ABLIM1: variants seen among roughly 807,000 people sequenced by gnomAD.
The protein encoded by ABLIM1 is actin-binding LIM protein 1.
Under a neutral mutation model 107.0 loss-of-function variants are expected in ABLIM1, and 40 were observed. That is an observed-to-expected ratio of 0.37 (90% CI 0.29 to 0.49). ABLIM1 has a LOEUF of 0.49. Among genes scored for constraint, ABLIM1 ranks in the 20% least tolerant of loss-of-function variants. The pLI, the probability that ABLIM1 is intolerant of heterozygous loss-of-function variation, is 0.97. For missense variants in ABLIM1, 857 were observed against 1,008.5 expected (o/e 0.85, Z 2.04); for synonymous variants, 357 against 357.3 (o/e 1.00, Z 0.01).
At chr10:114,760,195 G>C (rs1430941812) in intron 1 of ABLIM1, among the ~76,000 whole-genome samples, 2 of 151,824 alleles carry the variant, frequency 1.3e-5, no homozygotes, top group Non-Finnish European at 2.9e-5. Flanking sequence ...CGGTGAGAAA[G>C]GGTGACAGAT....
chr10:114,483,919 G>C (rs2057775053), intron 8 of ABLIM1, among the ~76,000 whole-genome samples: 1 of 152,134 alleles, frequency 6.6e-6, no homozygotes, highest in African/African-American at 2.4e-5. Context: ...AGACGGTCAG[G>C]TACACTGTGC....
intron 8 of ABLIM1, among the ~76,000 whole-genome samples, chr10:114,481,006 T>C (rs2057284247): frequency 6.6e-6 from 1 of 152,208 alleles, no homozygotes; most frequent in Admixed American, 6.5e-5. Context: ...GCCCTCTAAA[T>C]ACCTTTCAGC....
chr10:114,502,746 C>A (rs1055065543), intron 6 of ABLIM1, among the ~76,000 whole-genome samples: 4 of 152,174 alleles, frequency 2.6e-5, no homozygotes, highest in African/African-American at 7.2e-5. Context: ...ATCCACCCAC[C>A]TGGCCAAATT....
At chr10:114,688,314 G>A (rs759947256), upstream of ABLIM1, among the ~76,000 whole-genome samples, 2 of 151,842 alleles carry the variant, frequency 1.3e-5, no homozygotes, top group Non-Finnish European at 2.9e-5. Context: ...AGTGCATTCC[G>A]CTTCTAATTA....
chr10:114,462,909 A>C, intron 12 of ABLIM1: 1 of 934,246 alleles, frequency 1.1e-6, no homozygotes, highest in Non-Finnish European at 1.5e-6. Context: ...TGTTGGGTAT[A>C]GTCATGACAC....
In ABLIM1 at chr10:114,547,976, C is replaced by T. The variant is rs368169505; in HGVS notation, c.674-200G>A. 4.6e-5 allele frequency among the ~76,000 whole-genome samples: 7 copies of T among 152,328 alleles called. No individual in the cohort carries two copies. The East Asian group carries it at 5.8e-4, about 13-fold the overall frequency. On this transcript the variant is annotated intron_variant, in intron 4 of 22. Transcript: ENST00000533213. ...GCTGCGTCCTCGGAAGGACACAGAA[C>T]GGAAGCTTCATGAACCTCCGTGGAT...
intron 1 of ABLIM1, among the ~76,000 whole-genome samples, chr10:114,767,648 G>C (rs1188459797): frequency 6.6e-6 from 1 of 151,780 alleles, no homozygotes; most frequent in Non-Finnish European, 1.5e-5. Flanking sequence ...AAGCACTGCA[G>C]CTTTAAATCG....
chr10:114,489,627 C>T (rs962721731), intron 7 of ABLIM1, among the ~76,000 whole-genome samples: 1 of 152,082 alleles, frequency 6.6e-6, no homozygotes, highest in Non-Finnish European at 1.5e-5. Context: ...ATGCAGAGGG[C>T]CCAGGGGTCA....
intron 7 of ABLIM1, among the ~76,000 whole-genome samples, chr10:114,489,923 G>A (rs116615833): frequency 0.025 from 3,805 of 152,270 alleles, 142 homozygotes; most frequent in African/African-American, 0.084. Context: ...TTTGTAGCCC[G>A]AATGTGCTGC....
In ABLIM1 at chr10:114,434,618, T is replaced by C. The variant is rs1238306552; in HGVS notation, c.*1642A>G. The C allele has an allele frequency of 6.6e-6, 1 of 152,224 alleles. No individual in the cohort carries two copies. Among genetic ancestry groups the C allele is most frequent in the Admixed American group, 6.5e-5 (1 of 15,282 alleles). 9.4% of individuals were successfully genotyped at this position (152,224 alleles called of 1,614,324 possible). On this transcript the variant is annotated 3_prime_UTR_variant, in exon 23 of 23. Coordinates refer to ENST00000533213, the MANE Select transcript of ABLIM1 (RefSeq NM_002313.7). ...TATGAAGGTAAATTCAAATGTTTTC[T>C]TCTTCGGCTTTAAAACAGAGCTTAA...
intron 6 of ABLIM1, chr10:114,526,661 T>A: frequency 6.1e-6 from 6 of 985,516 alleles, no homozygotes; most frequent in Non-Finnish European, 7.2e-6. Context: ...CCGCTTTACC[T>A]CAGGCCAGGG....
upstream of ABLIM1, among the ~76,000 whole-genome samples, chr10:114,685,795 T>G (rs1566237674): frequency 6.6e-6 from 1 of 152,228 alleles, no homozygotes; most frequent in Non-Finnish European, 1.5e-5. Flanking sequence ...ATTCCATATT[T>G]TAGCCTAATG....
Position 114,451,604 on chromosome 10 carries a change from C to T in ABLIM1, c.1594+20G>A, listed in dbSNP as rs368224792. The T allele has an allele frequency of 2.4e-5, 38 of 1,606,070 alleles. No homozygotes were observed. Among genetic ancestry groups the T allele is most frequent in the South Asian group, 2.0e-4 (18 of 90,894 alleles). On this transcript the variant is annotated intron_variant, in intron 14 of 22. Coordinates refer to ENST00000533213, the MANE Select transcript of ABLIM1 (RefSeq NM_002313.7). ...CTGACTTTGCTATTTAAAAGCTACG[C>T]GGAGGAAAGCGGGTTTTACCATGCT...
intron 1 of ABLIM1, among the ~76,000 whole-genome samples, chr10:114,710,359 A>C (rs1290108598): frequency 6.6e-6 from 1 of 152,226 alleles, no homozygotes; most frequent in Non-Finnish European, 1.5e-5. Flanking sequence ...GAAGCCTCAC[A>C]ATCATGGCAG....
chr10:114,591,199 C>A (rs2074828903), intron 2 of ABLIM1, among the ~76,000 whole-genome samples: 1 of 152,146 alleles, frequency 6.6e-6, no homozygotes, highest in African/African-American at 2.4e-5. Flanking sequence ...AAAATGACAT[C>A]ATCACTTCAG....
chr10:114,622,632 T>C (rs1376893687), intron 1 of ABLIM1, among the ~76,000 whole-genome samples: 1 of 152,102 alleles, frequency 6.6e-6, no homozygotes, highest in Non-Finnish European at 1.5e-5. Context: ...AAATACAGAC[T>C]ACTAGAACAT....
intron 1 of ABLIM1, among the ~76,000 whole-genome samples, chr10:114,756,677 G>A (rs575197941): frequency 2.0e-5 from 3 of 152,218 alleles, no homozygotes; most frequent in African/African-American, 7.2e-5. Flanking sequence ...ATTACCATTT[G>A]TAAATTCTAA....
intron 1 of ABLIM1, among the ~76,000 whole-genome samples, chr10:114,728,543 A>G (rs2082008028): frequency 6.7e-6 from 1 of 150,016 alleles, no homozygotes; most frequent in South Asian, 2.1e-4. Context: ...AGAGTGAGCT[A>G]TAGCAACATG....
intron 1 of ABLIM1, among the ~76,000 whole-genome samples, chr10:114,712,214 A>G (rs1465385352): frequency 1.3e-5 from 2 of 151,812 alleles, no homozygotes; most frequent in African/African-American, 4.8e-5. Flanking sequence ...TTAGCCAGGC[A>G]TGGTGGTGGG....
Sources: gnomAD v4.1 joint callset for allele counts (sites outside exome capture counted in the v4.1 genomes callset) on GRCh38, gnomAD v4.1.1 for gene constraint, MANE v1.5 for transcripts, NCBI Gene and HGNC (gene_info 2026-07-23, HGNC 2026-07-21) for gene names.